Variants in SREBF1 observed in about 807,000 individuals in gnomAD.
The protein encoded by SREBF1 is sterol regulatory element-binding protein 1.
Under a neutral mutation model 100.1 loss-of-function variants are expected in SREBF1, and 45 were observed. The observed-to-expected ratio is 0.45, with a 90% CI of 0.35 to 0.58. The LOEUF is 0.58. Among genes scored for constraint, SREBF1 ranks in the 20% least tolerant of loss-of-function variants. SREBF1 has a pLI of 0.00. For missense variants in SREBF1, 1,324 were observed against 1,539.4 expected, an observed-to-expected ratio of 0.86 and a Z score of 2.34; for synonymous variants, 657 against 681.8, an observed-to-expected ratio of 0.96 and a Z score of 0.57.
chr17:17,815,410 C>T lies in SREBF1; in HGVS notation c.2384-81G>A, dbSNP rs542965377. On this transcript the variant is annotated intron_variant, in intron 12 of 18. Coordinates refer to ENST00000261646, the MANE Select transcript of SREBF1 (RefSeq NM_004176.5). ...AGCTAAGGGCTTTTTCCTGGGTGGGCTGGGGCCACACCTAGGGCCACTGGG... is the reference window on the plus strand; with the variant it reads ...AGCTAAGGGCTTTTTCCTGGGTGGGTTGGGGCCACACCTAGGGCCACTGGG... The T allele has an allele frequency of 7.4e-5, 88 of 1,197,124 alleles. No homozygotes were observed. The East Asian group carries it at 1.9e-3, about 26-fold the overall frequency. The allele number at this position is 1,197,124 out of a possible 1,614,324, so 74.2% of individuals were successfully genotyped here.
intron 18 of SREBF1, 73 bp downstream of exon 18, chr17:17,813,295 T>C: frequency 7.0e-7 from 1 of 1,422,396 alleles, no homozygotes; most frequent in Non-Finnish European, 9.6e-7. Context: ...CAGCCTCCCT[T>C]GGTATCACAT....
intron 1 of SREBF1, among the ~76,000 whole-genome samples, chr17:17,822,780 C>A (rs2034191581): frequency 6.6e-6 from 1 of 152,228 alleles, no homozygotes; most frequent in South Asian, 2.1e-4. Flanking sequence ...GTACGGCTGC[C>A]CGAGGCTTTG....
intron 1 of SREBF1, among the ~76,000 whole-genome samples, chr17:17,834,025 C>CAGTGAGAG (rs113396102): frequency 6.8e-6 from 1 of 147,510 alleles, no homozygotes; most frequent in African/African-American, 2.6e-5. Context: ...CATATAAACA[C>CAGTGAGAG]ACAGAGAGAG....
intron 1 of SREBF1, among the ~76,000 whole-genome samples, chr17:17,836,230 C>A (rs1416362863): frequency 6.6e-6 from 1 of 152,198 alleles, no homozygotes; most frequent in Non-Finnish European, 1.5e-5. Flanking sequence ...CCGGGAGAAC[C>A]CGACACGAGG....
In SREBF1 at chr17:17,818,279, G is replaced by A. The variant is rs777768669; in HGVS notation, c.1164C>T (p.Arg388=). 3.7e-6 allele frequency: 6 copies of A among 1,613,854 alleles called. No homozygotes were observed. Among genetic ancestry groups the A allele is most frequent in the African/African-American group, 2.7e-5 (2 of 74,894 alleles). The change falls in exon 6 of 19, where the codon CGC becomes CGT. Residue 388 remains arginine, a synonymous_variant. Coordinates refer to ENST00000261646, the MANE Select transcript of SREBF1 (RefSeq NM_004176.5). Reference sequence around the variant, plus strand: ...ACTCACTGCTTTTGTGGACAGCAGTGCGCAGACTTAGGTTCTCCTGCTTGA... The same window carrying A: ...ACTCACTGCTTTTGTGGACAGCAGTACGCAGACTTAGGTTCTCCTGCTTGA... ...QKLKQENLSL[R]TAVHKSKSLK...
At position 17,819,094 on chromosome 17, in the gene SREBF1, G is replaced by A. The variant is rs368049193; in HGVS notation, c.987C>T (p.Asn329=). ...QSRGEKRTAH[N]AIEKRYRSSI... Reference sequence around the variant, plus strand: ...AGGAGCGGTAGCGCTTCTCAATGGCGTTGTGGGCTGTGCGCTTCTCTCCAC... The same window carrying A: ...AGGAGCGGTAGCGCTTCTCAATGGCATTGTGGGCTGTGCGCTTCTCTCCAC... Residue 329 remains asparagine, a synonymous_variant, in exon 5 of 19, where the codon AAC becomes AAT. Coordinates refer to ENST00000261646, the MANE Select transcript of SREBF1 (RefSeq NM_004176.5). The A allele has an allele frequency of 4.8e-5, 78 of 1,614,002 alleles. No homozygotes were observed. Among genetic ancestry groups the A allele is most frequent in the Middle Eastern group, 1.6e-4 (1 of 6,084 alleles).
intron 1 of SREBF1, among the ~76,000 whole-genome samples, chr17:17,831,579 G>A (rs749568394): frequency 4.6e-5 from 7 of 152,140 alleles, no homozygotes; most frequent in Admixed American, 2.6e-4. Context: ...CTCTGTTTCC[G>A]TCTGCCTCTT....
chr17:17,827,265 G>A (rs2034547771), intron 1 of SREBF1, among the ~76,000 whole-genome samples: 2 of 152,210 alleles, frequency 1.3e-5, no homozygotes, highest in African/African-American at 2.4e-5. Context: ...CAGGGAATGG[G>A]TGGGAAAGGG....
In SREBF1 at chr17:17,817,706, T is replaced by A; in HGVS notation, c.1394A>T (p.Glu465Val). The stretch of plus-strand genomic sequence containing the variant: ...GTGGCAGGGCCCAACCTTGCTGTCC[T>A]CAAAGACTGGGCTGTCAGGCTCCGA... ...SDSEPDSPVF[E>V]DSKAKPEQRP... is the part of the protein sequence containing the mutation. Residue 465 changes from glutamate to valine, a missense_variant, in exon 7 of 19, where the codon GAG (glutamate) becomes GTG (valine). By Grantham distance (121) the Glu-to-Val change is moderately radical (BLOSUM62 -2). Transcript: ENST00000261646. The surrounding 1 kb of genome is among the most constrained non-coding windows in gnomAD (Gnocchi z 6.6). 1 of 1,613,146 alleles carries A rather than the reference T, an allele frequency of 6.2e-7. No homozygotes were observed.
intron 18 of SREBF1, 40 bp from the exon 19 acceptor site, chr17:17,812,891 G>A (rs1281610061): frequency 6.9e-7 from 1 of 1,446,986 alleles, no homozygotes; most frequent in African/African-American, 1.4e-5. Context: ...GTCTCAAGCT[G>A]GCCACGCCCC....
chr17:17,813,151 C>A, intron 18 of SREBF1: 2 of 601,274 alleles, frequency 3.3e-6, no homozygotes, highest in Non-Finnish European at 5.9e-6. Context: ...TTTTTTGAGA[C>A]AGGGACTCTC....
chr17:17,825,381 T>C (rs1028474653), intron 1 of SREBF1, among the ~76,000 whole-genome samples: 1 of 152,048 alleles, frequency 6.6e-6, no homozygotes, highest in Non-Finnish European at 1.5e-5. Flanking sequence ...AGCAGAGTCA[T>C]TAAAGACTCT....
At chr17:17,836,294 G>C (rs368835577) in intron 1 of SREBF1, among the ~76,000 whole-genome samples, 12 of 152,268 alleles carry the variant, frequency 7.9e-5, no homozygotes, top group Admixed American at 2.6e-4. Context: ...CTCCGACGCC[G>C]AGCTGAACTC....
In SREBF1 at chr17:17,824,219, G is replaced by A. The variant is rs1386368873; in HGVS notation, c.92-3698C>T. On this transcript the variant is annotated intron_variant, in intron 1 of 18. Coordinates refer to ENST00000261646, the MANE Select transcript of SREBF1 (RefSeq NM_004176.5). The surrounding 1 kb of genome is among the most constrained non-coding windows in gnomAD (Gnocchi z 4.2). ...GAGTGGCAGCTGCGGTGGGTGCAGG[G>A]ACCTCCCCCTTCTAGGGCAGCCCCA... is the stretch of plus-strand genomic sequence containing the variant. Among the ~76,000 whole-genome samples, 2 of 152,174 alleles carry A rather than the reference G, an allele frequency of 1.3e-5. No homozygotes were observed. The highest frequency in any genetic ancestry group is 2.1e-4 in the South Asian group (1 of 4,832).
chr17:17,831,594 A>C (rs1371735501), intron 1 of SREBF1, among the ~76,000 whole-genome samples: 2 of 152,104 alleles, frequency 1.3e-5, no homozygotes, highest in Admixed American at 6.5e-5. Flanking sequence ...CCTCTTCTGC[A>C]CTCATAAGCT....
In SREBF1 at chr17:17,817,743, T is replaced by C; in HGVS notation, c.1357A>G (p.Ser453Gly). ...LGSRGSGSGG[S>G]GSDSEPDSPV... ...CTGTCAGGCTCCGAGTCACTGCCAC[T>C]GCCACCGCTGCCACTGCCCCTGCTG... is the stretch of plus-strand genomic sequence containing the variant. Residue 453 changes from serine (S) to glycine (G), a missense_variant, in exon 7 of 19, where the codon AGT becomes GGT. Physicochemically the swap from Ser to Gly is moderately conservative, Grantham distance 56. Coordinates refer to ENST00000261646, the MANE Select transcript of SREBF1 (RefSeq NM_004176.5). The surrounding 1 kb of genome is among the most constrained non-coding windows in gnomAD (Gnocchi z 6.6). 1.2e-6 allele frequency: 2 copies of C among 1,613,424 alleles called. No homozygotes were observed. The highest frequency in any genetic ancestry group is 1.7e-6 in the Non-Finnish European group (2 of 1,179,914).
At position 17,827,086 on chromosome 17, in the gene SREBF1, TGGGCC is replaced by T. The variant is rs148334380; in HGVS notation, c.92-6570_92-6566del. 3.0e-3 allele frequency among the ~76,000 whole-genome samples: 462 copies of T among 151,548 alleles called. 8 individuals are homozygous for T. In the East Asian group the frequency reaches 0.054, roughly 18 times the overall value. The stretch of plus-strand genomic sequence containing the variant: ...AGGAGGACTGAATGATATGAGGGAG[TGGGCC>T]GGAAGGGAGGGCAGAAGAAACAGTG... On this transcript the variant is annotated intron_variant, in intron 1 of 18. Transcript: ENST00000261646.
At chr17:17,836,681 C>T (rs1480369836) in intron 1 of SREBF1, 46 bp downstream of exon 1, 1 of 1,528,340 alleles carries the variant, frequency 6.5e-7, no homozygotes, top group Non-Finnish European at 8.8e-7. Flanking sequence ...GCGCCCCCTA[C>T]TCGCGCCACC....
At chr17:17,828,796 C>A (rs1225250462) in intron 1 of SREBF1, among the ~76,000 whole-genome samples, 2 of 152,138 alleles carry the variant, frequency 1.3e-5, no homozygotes, top group Non-Finnish European at 2.9e-5. Flanking sequence ...AGCCTGTAGT[C>A]TCCATTACTC....
Sources: allele counts gnomAD v4.1 joint callset (sites outside exome capture counted in the v4.1 genomes callset), GRCh38; gene constraint gnomAD v4.1.1; non-coding constraint Gnocchi (gnomAD v3.1); transcripts MANE v1.5; gene names NCBI Gene and HGNC (gene_info 2026-07-23, HGNC 2026-07-21).